The following PALM2AKAP2 variants were observed in gnomAD, a reference collection of about 807,000 sequenced individuals.
PALM2AKAP2 encodes PALM2 and AKAP2 fusion, also known as PALM2-AKAP2 fusion protein.
A neutral mutation model predicts 71.5 loss-of-function variants in PALM2AKAP2; 37 were observed. The observed-to-expected ratio is 0.52, with a 90% confidence interval of 0.40 to 0.68. PALM2AKAP2 has a LOEUF of 0.68. Ranked by LOEUF, PALM2AKAP2 falls within the 30% of genes least tolerant of loss-of-function variation. PALM2AKAP2 has a pLI of 0.00. For missense variants in PALM2AKAP2, 1,224 were observed against 1,191.8 expected (o/e 1.03, Z -0.40); for synonymous variants, 468 against 478.8 (o/e 0.98, Z 0.29).
chr9:109,653,518 G>A (rs1342249142), intron 1 of PALM2AKAP2, among the ~76,000 whole-genome samples: 3 of 152,152 alleles, frequency 2.0e-5, no homozygotes, highest in Admixed American at 6.5e-5. Flanking sequence ...GCTTCTGAGC[G>A]GGAGGTGCAG....
intron 1 of PALM2AKAP2, among the ~76,000 whole-genome samples, chr9:109,856,924 C>T (rs1189199033): frequency 6.6e-6 from 1 of 152,142 alleles, no homozygotes; most frequent in East Asian, 1.9e-4. Flanking sequence ...TTTGTGCACA[C>T]TATCTTGTTT....
chr9:109,874,744 T>G (rs1829681538), intron 2 of PALM2AKAP2, among the ~76,000 whole-genome samples: 1 of 152,202 alleles, frequency 6.6e-6, no homozygotes, highest in Non-Finnish European at 1.5e-5. Context: ...TTTGTTCTAC[T>G]CTTCCCTGTC....
intron 6 of PALM2AKAP2, among the ~76,000 whole-genome samples, chr9:110,000,762 A>G (rs1045958124): frequency 3.9e-5 from 6 of 152,330 alleles, no homozygotes; most frequent in Admixed American, 3.3e-4. Context: ...TCTGATAACC[A>G]GTGATGATGA....
At chr9:109,887,126 C>T (rs1829983020) in intron 3 of PALM2AKAP2, among the ~76,000 whole-genome samples, 1 of 152,136 alleles carries the variant, frequency 6.6e-6, no homozygotes, top group African/African-American at 2.4e-5. Flanking sequence ...AAGCCAAAGG[C>T]GTAGAGACAT....
chr9:110,142,710 T>C (rs1234919233), intron 2 of PALM2AKAP2, among the ~76,000 whole-genome samples: 1 of 152,078 alleles, frequency 6.6e-6, no homozygotes, highest in Admixed American at 6.5e-5. Context: ...TAAGAGAGGC[T>C]CAAAAGGAAT....
intron 1 of PALM2AKAP2, among the ~76,000 whole-genome samples, chr9:109,741,631 G>T (rs76158907): frequency 1.3e-5 from 2 of 152,124 alleles, no homozygotes; most frequent in Admixed American, 1.3e-4. Flanking sequence ...GGTTATGTCT[G>T]GTGGGTTTGT....
At chr9:110,035,447 T>G (rs1833376392) in intron 7 of PALM2AKAP2, among the ~76,000 whole-genome samples, 1 of 144,956 alleles carries the variant, frequency 6.9e-6, no homozygotes, top group East Asian at 2.0e-4. Flanking sequence ...ATTATGCGTA[T>G]AATACAGATA....
At chr9:109,862,164 G>A (rs1047891352) in intron 1 of PALM2AKAP2, among the ~76,000 whole-genome samples, 1 of 151,698 alleles carries the variant, frequency 6.6e-6, no homozygotes, top group African/African-American at 2.4e-5. Context: ...GAGAAAGGAG[G>A]GAGTGATGCA....
chr9:109,977,796 C>T (rs1832196977), intron 6 of PALM2AKAP2, among the ~76,000 whole-genome samples: 1 of 152,190 alleles, frequency 6.6e-6, no homozygotes, highest in African/African-American at 2.4e-5. Flanking sequence ...CAGCAACATC[C>T]TTTCAGGCAG....
chr9:109,731,005 A>T (rs1344076137), intron 1 of PALM2AKAP2, among the ~76,000 whole-genome samples: 1 of 152,210 alleles, frequency 6.6e-6, no homozygotes, highest in East Asian at 1.9e-4. Context: ...TTGCTTTCCA[A>T]CCGGGGACTG....
intron 6 of PALM2AKAP2, among the ~76,000 whole-genome samples, chr9:109,987,467 C>A (rs923165916): frequency 5.9e-5 from 9 of 152,100 alleles, no homozygotes; most frequent in Non-Finnish European, 1.2e-4. Flanking sequence ...ATGTACACGT[C>A]TCTGTGTTTT....
intron 1 of PALM2AKAP2, among the ~76,000 whole-genome samples, chr9:109,749,357 AGTGCT>A (rs1233521050): frequency 6.6e-6 from 1 of 151,950 alleles, no homozygotes; most frequent in Admixed American, 6.6e-5. Context: ...GCAAGTCCCT[AGTGCT>A]GGGGAATAAT....
At chr9:109,732,211 C>T (rs938492749) in intron 1 of PALM2AKAP2, among the ~76,000 whole-genome samples, 6 of 152,310 alleles carry the variant, frequency 3.9e-5, no homozygotes, top group South Asian at 2.1e-4. Context: ...ATTCCTTCCA[C>T]GTGTACCTAG....
At chr9:109,868,911 G>A (rs936522370) in intron 2 of PALM2AKAP2, among the ~76,000 whole-genome samples, 1 of 152,190 alleles carries the variant, frequency 6.6e-6, no homozygotes, top group African/African-American at 2.4e-5. Context: ...TTCTCACAGA[G>A]AGGGGGCCTT....
At chr9:109,955,390 G>A (rs994356868) in intron 6 of PALM2AKAP2, among the ~76,000 whole-genome samples, 4 of 152,224 alleles carry the variant, frequency 2.6e-5, no homozygotes, top group African/African-American at 9.6e-5. Context: ...AACAGTGTAA[G>A]TTTGTAAGGA....
intron 1 of PALM2AKAP2, among the ~76,000 whole-genome samples, chr9:110,054,281 C>T (rs1833783037): frequency 6.6e-6 from 1 of 152,166 alleles, no homozygotes; most frequent in Non-Finnish European, 1.5e-5. Flanking sequence ...TGCCTGTAAT[C>T]TCAGCTACTC....
At chr9:109,958,270 A>G (rs1023469790) in intron 6 of PALM2AKAP2, among the ~76,000 whole-genome samples, 1 of 152,234 alleles carries the variant, frequency 6.6e-6, no homozygotes, top group Non-Finnish European at 1.5e-5. Context: ...TGTTTGAGCA[A>G]TTCAGTTTGT....
intron 1 of PALM2AKAP2, among the ~76,000 whole-genome samples, chr9:109,848,535 T>C (rs181157279): frequency 7.9e-4 from 121 of 152,308 alleles, no homozygotes; most frequent in Non-Finnish European, 1.3e-3. Flanking sequence ...GCTCATGTCA[T>C]GGCAGGACTG....
intron 6 of PALM2AKAP2, among the ~76,000 whole-genome samples, chr9:109,997,069 G>T (rs1053448927): frequency 6.6e-6 from 1 of 152,056 alleles, no homozygotes; most frequent in African/African-American, 2.4e-5. Context: ...TGTACTTATA[G>T]TCCCAGCTAC....
Sources: allele counts gnomAD v4.1 joint callset (sites outside exome capture counted in the v4.1 genomes callset), GRCh38; gene constraint gnomAD v4.1.1; transcripts MANE v1.5; gene names NCBI Gene and HGNC (gene_info 2026-07-23, HGNC 2026-07-21).